Variants in PIGG observed in about 807,000 individuals in gnomAD.
PIGG encodes GPI ethanolamine phosphate transferase 2, catalytic subunit.
In PIGG, 70 loss-of-function variants were observed where a neutral mutation model predicts 83.2. The ratio of observed to expected loss-of-function variants is 0.84; its 90% CI spans 0.69 to 1.03. The LOEUF is 1.03. Among genes scored for constraint, PIGG ranks in the 50% least tolerant of loss-of-function variants. PIGG has a pLI of 0.00. For missense variants in PIGG, 1,257 were observed against 1,233.6 expected (o/e 1.02, Z -0.28); for synonymous variants, 532 against 519.5 (o/e 1.02, Z -0.33).
chr4:499,505 C>T lies in PIGG; in HGVS notation c.154+16C>T, dbSNP rs782628665. 3.8e-6 allele frequency: 6 copies of T among 1,580,670 alleles called. No homozygotes were observed. The African/African-American group carries it at 4.0e-5, about 11-fold the overall frequency. On this transcript the variant is annotated intron_variant, in intron 1 of 12. Transcript: ENST00000453061. ...CCCTCGGCTGGTACGGACCCCTCCC[C>T]GGCGTCTCCGCTCCCCTGACCCCAC...
chr4:530,490 G>C lies in PIGG; in HGVS notation c.2316G>C (p.Thr772=), dbSNP rs199894962. Residue 772 remains threonine (T), a synonymous_variant, in exon 11 of 13, where the codon ACG becomes ACC. Coordinates refer to ENST00000453061, the MANE Select transcript of PIGG (RefSeq NM_001127178.3). ...VYVFVLGILF[T]GTKDLLKSQV... ...TCTTTGTCCTTGGCATTCTGTTCAC[G>C]GGCACCAAAGACTTACTTAAATCTC... The C allele has an allele frequency of 3.7e-6, 6 of 1,613,488 alleles. No homozygotes were observed. Among genetic ancestry groups the C allele is most frequent in the Non-Finnish European group, 5.1e-6 (6 of 1,179,512 alleles).
chr4:502,655 T>A (rs782699566), intron 2 of PIGG, among the ~76,000 whole-genome samples: 1 of 152,082 alleles, frequency 6.6e-6, no homozygotes, highest in Non-Finnish European at 1.5e-5. Context: ...TCCCTTAGAT[T>A]TCTTAGGACT....
At position 530,707 on chromosome 4, in the gene PIGG, A is replaced by C; in HGVS notation, c.2533A>C (p.Met845Leu). The change falls in exon 11 of 13, where the codon ATG (methionine) becomes CTG (leucine). Residue 845 changes from methionine (M) to leucine (L), a missense_variant. By Grantham distance (15) the Met-to-Leu change is conservative (BLOSUM62 2). Transcript: ENST00000453061. Reference protein sequence around the residue: ...LRHDAAEITVMHYWFGQAFFY... With the variant: ...LRHDAAEITVLHYWFGQAFFY... ...ACACGATGCAGCTGAGATTACTGTG[A>C]TGCATTATTGGTTTGGTCAAGCATT... 2.5e-6 allele frequency: 4 copies of C among 1,613,448 alleles called. No individual in the cohort carries two copies. Among genetic ancestry groups the C allele is most frequent in the Non-Finnish European group, 3.4e-6 (4 of 1,179,400 alleles).
chr4:520,765 G>C (rs1384389545), intron 6 of PIGG, among the ~76,000 whole-genome samples: 1 of 152,272 alleles, frequency 6.6e-6, no homozygotes, highest in African/African-American at 2.4e-5. Flanking sequence ...GGGAGGCAGA[G>C]AAGGAGGCCA....
chr4:530,054 TCTTA>T (rs1728633137), intron 10 of PIGG, among the ~76,000 whole-genome samples: 1 of 152,244 alleles, frequency 6.6e-6, no homozygotes, highest in African/African-American at 2.4e-5. Flanking sequence ...TACAGCAGTT[TCTTA>T]GAGTTGACTC....
intron 10 of PIGG, 61 bp downstream of exon 10, chr4:527,291 C>A: frequency 6.8e-7 from 1 of 1,471,684 alleles, no homozygotes; most frequent in Non-Finnish European, 8.9e-7. Flanking sequence ...AACTGGCGGA[C>A]ACGGGGCGCG....
chr4:533,828 A>T lies in PIGG; in HGVS notation c.2582A>T (p.Asn861Ile). 1 of 1,614,182 alleles carries T rather than the reference A, an allele frequency of 6.2e-7. No homozygotes were observed. Reference sequence around the variant, plus strand: ...TCTCCTGTATTCCAGGGCAACTCCAACAACATTGCCACCGTGGACATCTCC... The same window carrying T: ...TCTCCTGTATTCCAGGGCAACTCCATCAACATTGCCACCGTGGACATCTCC... ...QAFFYFQGNS[N>I]NIATVDISAG... The change falls in exon 12 of 13, where the codon AAC becomes ATC. Residue 861 changes from asparagine (N) to isoleucine (I), a missense_variant. By Grantham distance (149) the Asn-to-Ile change is moderately radical. Transcript: ENST00000453061.
At chr4:516,241 G>A (rs762258970) in intron 6 of PIGG, 56 bp downstream of exon 6, 41 of 1,189,150 alleles carry the variant, frequency 3.4e-5, no homozygotes, top group African/African-American at 3.1e-4. Flanking sequence ...CACTGAGCTC[G>A]GGTTTCTCCG....
At chr4:531,643 TG>T (rs1175074462) in intron 11 of PIGG, 1 of 152,446 alleles carries the variant, frequency 6.6e-6, no homozygotes, top group African/African-American at 2.4e-5. Context: ...TCTGTCCCCC[TG>T]ATCCTGAAGC....
In PIGG at chr4:512,501, A is replaced by C. The variant is rs1323094022; in HGVS notation, c.902-3472A>C. On this transcript the variant is annotated intron_variant, in intron 5 of 12. Transcript: ENST00000453061. ...ACCATTATCATATTTTTTTAACACC[A>C]GAGTTTCATTTGATGCTTTTTAAAA... 2.0e-5 allele frequency among the ~76,000 whole-genome samples: 3 copies of C among 151,936 alleles called. No homozygotes were observed. In the Middle Eastern group the frequency reaches 0.01, roughly 517 times the overall value.
At chr4:527,861 G>A (rs1461131536) in intron 10 of PIGG, 3 of 985,274 alleles carry the variant, frequency 3.0e-6, no homozygotes, top group Non-Finnish European at 3.6e-6. Context: ...CGTTCTGGAG[G>A]GCAGCTTGTA....
chr4:521,585 C>T (rs924480420), intron 7 of PIGG, 75 bp from the exon 8 acceptor site: 22 of 1,385,612 alleles, frequency 1.6e-5, no homozygotes, highest in Non-Finnish European at 1.6e-5. Context: ...GACACGAGAG[C>T]GGGAGCTGGG....
intron 3 of PIGG, among the ~76,000 whole-genome samples, chr4:506,511 A>G (rs1192905249): frequency 6.6e-6 from 1 of 152,214 alleles, no homozygotes; most frequent in African/African-American, 2.4e-5. Context: ...CACCTCCTAG[A>G]TGGCTGGGCC....
rs908511555 is a variant in PIGG at position 528,439 on chromosome 4, G to A, written c.2261+1209G>A. The A allele has an allele frequency of 1.4e-4, 136 of 985,076 alleles. No homozygotes were observed. Among genetic ancestry groups the A allele is most frequent in the Non-Finnish European group, 1.5e-4 (122 of 829,760 alleles). 61.0% of individuals were successfully genotyped at this position (985,076 alleles called of 1,614,324 possible). On this transcript the variant is annotated intron_variant, in intron 10 of 12. Coordinates refer to ENST00000453061, the MANE Select transcript of PIGG (RefSeq NM_001127178.3). This position sits in a 1 kb window ranked among gnomAD's most constrained non-coding sequence, Gnocchi z 4.8. Reference sequence around the variant, plus strand: ...GCCTGAGGGGTGGCCGTGGGGCTCCGGGGGCACCCCTGGAAGTACTTCCTG... The same window carrying A: ...GCCTGAGGGGTGGCCGTGGGGCTCCAGGGGCACCCCTGGAAGTACTTCCTG...
At chr4:516,996 C>T (rs992793113) in intron 6 of PIGG, among the ~76,000 whole-genome samples, 1 of 152,078 alleles carries the variant, frequency 6.6e-6, no homozygotes, top group Non-Finnish European at 1.5e-5. Flanking sequence ...AGACAGGGTC[C>T]TCCATGGGGC....
chr4:534,065 G>C, intron 12 of PIGG, 84 bp downstream of exon 12: 1 of 1,187,836 alleles, frequency 8.4e-7, no homozygotes, highest in East Asian at 2.4e-5. Flanking sequence ...GATGCAAGGG[G>C]GTCTAAGCTC....
intron 12 of PIGG, among the ~76,000 whole-genome samples, chr4:535,429 C>T (rs1222521748): frequency 3.9e-5 from 6 of 152,204 alleles, no homozygotes; most frequent in Admixed American, 1.3e-4. Context: ...CCGCGCACCG[C>T]GGCCCGGCCT....
intron 12 of PIGG, among the ~76,000 whole-genome samples, chr4:537,961 T>C (rs770850592): frequency 4.4e-4 from 67 of 151,748 alleles, no homozygotes; most frequent in Admixed American, 2.1e-3. Context: ...CTGACAGGAC[T>C]GAGGAGCCCT....
chr4:508,382 T>A (rs1720604889), intron 4 of PIGG, among the ~76,000 whole-genome samples: 1 of 152,262 alleles, frequency 6.6e-6, no homozygotes, highest in African/African-American at 2.4e-5. Context: ...GATGTGTGGC[T>A]GCAACCCCAG....
Sources: allele counts gnomAD v4.1 joint callset (sites outside exome capture counted in the v4.1 genomes callset), GRCh38; gene constraint gnomAD v4.1.1; non-coding constraint Gnocchi (gnomAD v3.1); transcripts MANE v1.5; gene names NCBI Gene and HGNC (gene_info 2026-07-23, HGNC 2026-07-21).